Variants in SMOC1 observed in about 807,000 individuals in gnomAD.
The protein encoded by SMOC1 is SPARC related modular calcium binding 1.
A neutral mutation model predicts 56.3 loss-of-function variants in SMOC1; 22 were observed. The ratio of observed to expected loss-of-function variants is 0.39; its 90% CI spans 0.28 to 0.56. SMOC1 has a LOEUF of 0.56. Ranked by LOEUF, SMOC1 falls within the 20% of genes least tolerant of loss-of-function variation. The probability of loss-of-function intolerance (pLI) is 0.61; values close to 1 mark genes in which losing one functional copy is unlikely to be tolerated. For synonymous variants in SMOC1, 193 were observed against 215.0 expected, an observed-to-expected ratio of 0.90 and a Z score of 0.89; for missense variants, 509 against 565.4, an observed-to-expected ratio of 0.90 and a Z score of 1.01.
rs147804180 is a variant in SMOC1, at chr14:69,918,485, C to T, written c.100-33653C>T. On this transcript the variant is annotated intron_variant, in intron 1 of 11. Transcript: ENST00000361956. ...TCAAGCAATCTGCCCACCTTGGCCT[C>T]CCCAAGTGCTAGGATTACAGGTGTG... is the stretch of plus-strand genomic sequence containing the variant. 7.0e-4 allele frequency among the ~76,000 whole-genome samples: 107 copies of T among 152,250 alleles called. 1 individual carries two copies. The East Asian group carries it at 0.02, about 29-fold the overall frequency.
At chr14:69,999,909 C>T (rs1170060370) in intron 7 of SMOC1, among the ~76,000 whole-genome samples, 1 of 152,184 alleles carries the variant, frequency 6.6e-6, no homozygotes, top group South Asian at 2.1e-4. Context: ...GGACACAGCA[C>T]TGGGATGACG....
intron 10 of SMOC1, among the ~76,000 whole-genome samples, chr14:70,021,955 A>G (rs1885742767): frequency 6.6e-6 from 1 of 152,168 alleles, no homozygotes. Context: ...ATCCCTCTGG[A>G]ACAGTGAGCC....
At chr14:69,889,132 C>T (rs1883891139) in intron 1 of SMOC1, among the ~76,000 whole-genome samples, 1 of 152,132 alleles carries the variant, frequency 6.6e-6, no homozygotes, top group Non-Finnish European at 1.5e-5. Context: ...TGTTAATAGC[C>T]ACATGTGGTT....
intron 11 of SMOC1, among the ~76,000 whole-genome samples, chr14:70,027,401 G>C (rs1481438016): frequency 6.6e-6 from 1 of 152,106 alleles, no homozygotes; most frequent in Non-Finnish European, 1.5e-5. Flanking sequence ...CTGGGGAAGA[G>C]GGGGAGCAGA....
intron 1 of SMOC1, among the ~76,000 whole-genome samples, chr14:69,893,898 C>T (rs73289006): frequency 3.9e-5 from 6 of 152,014 alleles, no homozygotes; most frequent in Admixed American, 2.0e-4. Context: ...GACTGGTGCC[C>T]GAATAAGAAG....
intron 7 of SMOC1, among the ~76,000 whole-genome samples, chr14:70,004,486 G>A (rs1274589451): frequency 5.3e-5 from 8 of 152,198 alleles, no homozygotes; most frequent in African/African-American, 1.9e-4. Context: ...AAAGACTGAG[G>A]TTTCCCCAAA....
At chr14:69,923,652 G>A (rs1884911476) in intron 1 of SMOC1, among the ~76,000 whole-genome samples, 1 of 152,160 alleles carries the variant, frequency 6.6e-6, no homozygotes, top group South Asian at 2.1e-4. Context: ...GACTCTTACT[G>A]TATCTCTAGC....
intron 1 of SMOC1, among the ~76,000 whole-genome samples, chr14:69,928,695 T>G (rs1410127852): frequency 6.6e-6 from 1 of 152,088 alleles, no homozygotes; most frequent in East Asian, 1.9e-4. Flanking sequence ...ACATATCAAT[T>G]TGGGAGGAAA....
At chr14:69,935,771 T>C (rs921375054) in intron 1 of SMOC1, among the ~76,000 whole-genome samples, 8 of 152,128 alleles carry the variant, frequency 5.3e-5, no homozygotes, top group African/African-American at 1.7e-4. Flanking sequence ...CCTAGAAGGA[T>C]GTGAAATAGG....
chr14:69,897,140 C>A (rs1161246651), intron 1 of SMOC1, among the ~76,000 whole-genome samples: 1 of 152,052 alleles, frequency 6.6e-6, no homozygotes, highest in African/African-American at 2.4e-5. Context: ...CTTTTCTGGC[C>A]CCCCCTCCTC....
chr14:69,947,159 T>G (rs1882816223), intron 1 of SMOC1, among the ~76,000 whole-genome samples: 1 of 150,600 alleles, frequency 6.6e-6, no homozygotes, highest in Non-Finnish European at 1.5e-5. Context: ...CTTCACTCCC[T>G]CTTTCTTTTC....
chr14:69,984,843 C>T lies in SMOC1; in HGVS notation c.526+6878C>T, dbSNP rs573619684. 6.6e-5 allele frequency among the ~76,000 whole-genome samples: 10 copies of T among 150,762 alleles called. No individual in the cohort carries two copies. In the East Asian group the frequency reaches 7.8e-4, roughly 12 times the overall value. ...CTGCACTCCAGCCTGGATGACAGAG[C>T]GAGACTCCATCTCAAACAAACAAAC... On this transcript the variant is annotated intron_variant, in intron 5 of 11. Transcript: ENST00000361956.
intron 1 of SMOC1, among the ~76,000 whole-genome samples, chr14:69,894,980 G>T (rs1254504446): frequency 6.6e-6 from 1 of 152,164 alleles, no homozygotes; most frequent in East Asian, 1.9e-4. Flanking sequence ...GCCAGCTAGT[G>T]GCAGAGCCAG....
intron 5 of SMOC1, among the ~76,000 whole-genome samples, chr14:69,986,913 C>G (rs1441335596): frequency 6.6e-6 from 1 of 152,218 alleles, no homozygotes; most frequent in Non-Finnish European, 1.5e-5. Flanking sequence ...TCCTACAGAT[C>G]AGAATCAGGA....
chr14:69,936,576 C>T (rs1456411448), intron 1 of SMOC1, among the ~76,000 whole-genome samples: 1 of 152,240 alleles, frequency 6.6e-6, no homozygotes, highest in Non-Finnish European at 1.5e-5. Flanking sequence ...GGGCAAGCTT[C>T]GCTCAGTCCC....
intron 1 of SMOC1, among the ~76,000 whole-genome samples, chr14:69,923,210 G>T (rs1219614750): frequency 1.3e-5 from 2 of 152,024 alleles, no homozygotes; most frequent in East Asian, 3.9e-4. Flanking sequence ...CTCCCAAAGT[G>T]CTGGGATTAC....
At chr14:69,973,194 C>T (rs1883838291) in intron 3 of SMOC1, among the ~76,000 whole-genome samples, 1 of 152,206 alleles carries the variant, frequency 6.6e-6, no homozygotes, top group South Asian at 2.1e-4. Flanking sequence ...GCATTTCCCA[C>T]CCAAGTCTGT....
intron 1 of SMOC1, among the ~76,000 whole-genome samples, chr14:69,947,160 C>CTTTCT (rs1594817104): frequency 6.7e-6 from 1 of 150,136 alleles, no homozygotes; most frequent in African/African-American, 2.5e-5. Context: ...TTCACTCCCT[C>CTTTCT]TTTCTTTTCT....
intron 5 of SMOC1, among the ~76,000 whole-genome samples, chr14:69,984,516 C>T (rs1391717654): frequency 6.6e-6 from 1 of 152,030 alleles, no homozygotes; most frequent in East Asian, 1.9e-4. Context: ...ATATAAACAA[C>T]TCTTAAAGCT....
Sources: gnomAD v4.1 joint callset for allele counts (sites outside exome capture counted in the v4.1 genomes callset) on GRCh38, gnomAD v4.1.1 for gene constraint, MANE v1.5 for transcripts, NCBI Gene and HGNC (gene_info 2026-07-23, HGNC 2026-07-21) for gene names.